EPHA5: variants seen among roughly 807,000 people sequenced by gnomAD.
EPHA5 encodes EPH receptor A5, also known as ephrin type-A receptor 5.
Under a neutral mutation model 105.0 loss-of-function variants are expected in EPHA5, and 60 were observed. That is an observed-to-expected ratio of 0.57 (90% confidence interval 0.46 to 0.71). EPHA5 has a LOEUF of 0.71. Among genes scored for constraint, EPHA5 ranks in the 30% least tolerant of loss-of-function variants. The pLI is 0.00. For missense variants in EPHA5, 1,218 were observed against 1,274.7 expected (o/e 0.96, Z 0.68); for synonymous variants, 513 against 449.1 (o/e 1.14, Z -1.80).
intron 11 of EPHA5, among the ~76,000 whole-genome samples, chr4:65,358,080 T>C (rs1723479632): frequency 1.3e-5 from 2 of 151,350 alleles, no homozygotes; most frequent in African/African-American, 4.8e-5. Flanking sequence ...AAATGTAAAA[T>C]AGCATTCCCC....
chr4:65,371,258 C>T (rs1398113158), intron 8 of EPHA5, among the ~76,000 whole-genome samples: 1 of 151,946 alleles, frequency 6.6e-6, no homozygotes, highest in African/African-American at 2.4e-5. Flanking sequence ...TGTGCTTTTG[C>T]TCTTTAGTAA....
At chr4:65,458,073 CAAAAAAAAAAAAAAAA>C (rs10565968) in intron 5 of EPHA5, among the ~76,000 whole-genome samples, 1 of 72,572 alleles carries the variant, frequency 1.4e-5, no homozygotes, top group Non-Finnish European at 2.4e-5. Context: ...CACTCCATCC[CAAAAAAAAAAAAAAAA>C]AAAAAAAAAG....
At chr4:65,408,304 A>G (rs1722567944) in intron 7 of EPHA5, among the ~76,000 whole-genome samples, 1 of 152,086 alleles carries the variant, frequency 6.6e-6, no homozygotes, top group Non-Finnish European at 1.5e-5. Context: ...AATCTTTAAG[A>G]TATATACCTT....
At chr4:65,358,458 A>G (rs1577908759) in intron 11 of EPHA5, among the ~76,000 whole-genome samples, 1 of 151,678 alleles carries the variant, frequency 6.6e-6, no homozygotes, top group Non-Finnish European at 1.5e-5. Flanking sequence ...TATTTAGTAT[A>G]CTTATCTTTG....
intron 3 of EPHA5, among the ~76,000 whole-genome samples, chr4:65,556,581 C>T (rs559761092): frequency 3.7e-4 from 57 of 152,230 alleles, no homozygotes; most frequent in East Asian, 9.7e-4. Flanking sequence ...ATCAGGTTCA[C>T]AGTGATCCAA....
intron 5 of EPHA5, among the ~76,000 whole-genome samples, chr4:65,446,420 A>C (rs941738006): frequency 6.6e-6 from 1 of 152,178 alleles, no homozygotes; most frequent in African/African-American, 2.4e-5. Flanking sequence ...CTACAGGAAA[A>C]GGAAAACAAG....
At chr4:65,638,720 C>T (rs907974446) in intron 2 of EPHA5, among the ~76,000 whole-genome samples, 3 of 152,110 alleles carry the variant, frequency 2.0e-5, no homozygotes, top group African/African-American at 4.8e-5. Flanking sequence ...GCCTGGGCAA[C>T]AAGAGTGAAA....
At chr4:65,568,838 GCATT>G (rs752248833) in intron 3 of EPHA5, among the ~76,000 whole-genome samples, 56 of 150,954 alleles carry the variant, frequency 3.7e-4, no homozygotes, top group Non-Finnish European at 6.5e-4. Flanking sequence ...ATTTTTAAGG[GCATT>G]CAAAGTATTT....
chr4:65,547,033 C>T (rs923995661), intron 3 of EPHA5, among the ~76,000 whole-genome samples: 2 of 151,902 alleles, frequency 1.3e-5, no homozygotes, highest in African/African-American at 4.8e-5. Flanking sequence ...GTCACTGCAA[C>T]CTTAAATATA....
At chr4:65,526,193 A>G (rs1735212194) in intron 3 of EPHA5, among the ~76,000 whole-genome samples, 1 of 151,924 alleles carries the variant, frequency 6.6e-6, no homozygotes, top group Non-Finnish European at 1.5e-5. Flanking sequence ...CACTATTGAT[A>G]CTACATGGAT....
At chr4:65,462,725 G>A (rs985505880) in intron 5 of EPHA5, among the ~76,000 whole-genome samples, 3 of 152,186 alleles carry the variant, frequency 2.0e-5, no homozygotes, top group African/African-American at 7.2e-5. Flanking sequence ...AGAGGCATTA[G>A]CAATAGAATT....
At chr4:65,348,951 G>C (rs1722557540) in intron 13 of EPHA5, among the ~76,000 whole-genome samples, 2 of 149,796 alleles carry the variant, frequency 1.3e-5, no homozygotes, top group Admixed American at 6.7e-5. Flanking sequence ...GAGTAGCTGG[G>C]ACTACAGATG....
Position 65,381,679 on chromosome 4 carries a change from T to C in EPHA5, c.1794-14255A>G, listed in dbSNP as rs552423048. ...GCAAAACTGCATAGTACTAAATGTG[T>C]TTCCGCCAAATTTGTATGTTGAAGT... is the stretch of plus-strand genomic sequence containing the variant. On this transcript the variant is annotated intron_variant, in intron 8 of 16. Transcript: ENST00000613740. 3.9e-5 allele frequency among the ~76,000 whole-genome samples: 6 copies of C among 151,912 alleles called. No homozygotes were observed. The East Asian group carries it at 1.2e-3, about 30-fold the overall frequency.
chr4:65,354,300 T>C (rs1315902435), intron 11 of EPHA5, among the ~76,000 whole-genome samples: 1 of 151,830 alleles, frequency 6.6e-6, no homozygotes, highest in Non-Finnish European at 1.5e-5. Flanking sequence ...TCTCATTCCA[T>C]ATAAAATTGT....
chr4:65,386,709 A>G (rs570020688), intron 8 of EPHA5, among the ~76,000 whole-genome samples: 1 of 152,144 alleles, frequency 6.6e-6, no homozygotes, highest in South Asian at 2.1e-4. Context: ...TGTTAAGTAA[A>G]AAAAACAGAA....
Position 65,365,071 on chromosome 4 carries a change from T to C in EPHA5, c.2119A>G (p.Met707Val), listed in dbSNP as rs750508480. 2.7e-5 allele frequency: 44 copies of C among 1,611,758 alleles called. No individual in the cohort carries two copies. Among genetic ancestry groups the C allele is most frequent in the Non-Finnish European group, 3.4e-5 (40 of 1,178,464 alleles). Residue 707 changes from methionine to valine, a missense_variant, in exon 11 of 17, where the codon ATG (methionine) becomes GTG (valine). Coordinates refer to ENST00000613740, the MANE Select transcript of EPHA5 (RefSeq NM_001281766.3). ...RRDFLGEASI[M>V]GQFDHPNIIH... ...ATGTTAGGATGATCAAACTGTCCCA[T>C]GATACTTGCTTCACCTAGGAAATCT...
At chr4:65,482,235 T>G (rs1433278595) in intron 5 of EPHA5, among the ~76,000 whole-genome samples, 1 of 114,980 alleles carries the variant, frequency 8.7e-6, no homozygotes, top group Non-Finnish European at 2.0e-5. Context: ...GAGGCGGAGG[T>G]TACAGTGAGC....
chr4:65,640,136 A>G (rs1429627283), intron 2 of EPHA5, among the ~76,000 whole-genome samples: 3 of 152,132 alleles, frequency 2.0e-5, no homozygotes, highest in Non-Finnish European at 2.9e-5. Flanking sequence ...AAATAAAGTA[A>G]TGTGACAACT....
At chr4:65,648,375 A>T (rs914325310) in intron 1 of EPHA5, among the ~76,000 whole-genome samples, 14 of 152,316 alleles carry the variant, frequency 9.2e-5, no homozygotes, top group Admixed American at 9.2e-4. Context: ...AAATAGACAC[A>T]TTGGAATGAA....
Sources: gnomAD v4.1 joint callset for allele counts (sites outside exome capture counted in the v4.1 genomes callset) on GRCh38, gnomAD v4.1.1 for gene constraint, MANE v1.5 for transcripts, NCBI Gene and HGNC (gene_info 2026-07-23, HGNC 2026-07-21) for gene names.